Variants in FTSJ1 observed in about 807,000 individuals in gnomAD.
The protein encoded by FTSJ1 is tRNA (cytidine(32)/guanosine(34)-2'-O)-methyltransferase.
Under a neutral mutation model 28.5 loss-of-function variants are expected in FTSJ1, and 3 were observed. The observed-to-expected ratio is 0.11, with a 90% CI of 0.05 to 0.27. FTSJ1 has a LOEUF of 0.27. Ranked by LOEUF, FTSJ1 falls within the 10% of genes least tolerant of loss-of-function variation. The pLI is 1.00. For missense variants in FTSJ1, 162 were observed against 279.0 expected, an observed-to-expected ratio of 0.58 and a Z score of 2.99; for synonymous variants, 104 against 113.9, an observed-to-expected ratio of 0.91 and a Z score of 0.55.
chrX:48,478,350 T>C, intron 2 of FTSJ1, 99 bp from the exon 3 acceptor site: 5 of 894,992 alleles, frequency 5.6e-6, no homozygotes, highest in Non-Finnish European at 8.1e-6. Flanking sequence ...AATGGAGATA[T>C]GTGGGTGCTC....
At chrX:48,484,478 G>A (rs2061589950) in intron 12 of FTSJ1, among the ~76,000 whole-genome samples, 1 of 108,467 alleles carries the variant, frequency 9.2e-6, no homozygotes, top group Non-Finnish European at 1.9e-5. Flanking sequence ...CCGCCTCCCG[G>A]GTTCAAGAGA....
Position 48,483,143 on chromosome X carries a change from C to G in FTSJ1, c.*9+116C>G, listed in dbSNP as rs1170026938. On this transcript the variant is annotated intron_variant, in intron 12 of 12. Coordinates refer to ENST00000348411, the MANE Select transcript of FTSJ1 (RefSeq NM_012280.4). Reference sequence around the variant, plus strand: ...CTGATAAGATTTTAATCAACAAACCCTTTTCTAAACATCTGTTGTTGTATG... The same window carrying G: ...CTGATAAGATTTTAATCAACAAACCGTTTTCTAAACATCTGTTGTTGTATG... 3 of 581,569 alleles carry G rather than the reference C, an allele frequency of 5.2e-6. No homozygotes were observed. In the Middle Eastern group the frequency reaches 1.4e-3, roughly 262 times the overall value. 47.9% of individuals were successfully genotyped at this position (581,569 alleles called of 1,213,427 possible).
intron 5 of FTSJ1, among the ~76,000 whole-genome samples, chrX:48,480,240 G>A (rs375635821): frequency 4.2e-4 from 47 of 111,394 alleles, no homozygotes; most frequent in African/African-American, 1.4e-3. Flanking sequence ...TCAAGTGGAT[G>A]GGGAAGGCCT....
intron 5 of FTSJ1, among the ~76,000 whole-genome samples, chrX:48,480,144 C>CA (rs1183107599): frequency 2.4e-3 from 239 of 100,257 alleles, no homozygotes; most frequent in Non-Finnish European, 4.2e-3. Context: ...AACTCCGTCT[C>CA]AAAAAAAAAA....
At chrX:48,480,420 G>T (rs782722449) in intron 5 of FTSJ1, among the ~76,000 whole-genome samples, 26 of 110,685 alleles carry the variant, frequency 2.3e-4, no homozygotes, top group Admixed American at 1.5e-3. Flanking sequence ...ACAGAGTGAG[G>T]GGGGGAGAGT....
Position 48,478,633 on chromosome X carries a change from C to A in FTSJ1, c.208C>A (p.His70Asn), listed in dbSNP as rs1556967411. The A allele has an allele frequency of 8.3e-7, 1 of 1,208,473 alleles. No individual in the cohort carries two copies. ...SQKIGGQGSG[H>N]VVAVDLQAMA... is the part of the protein sequence containing the mutation. ...TGTCCACAGGGGCCAAGGGTCCGGC[C>A]ACGTGGTGGCTGTGGACCTGCAGGC... Residue 70 changes from histidine (H) to asparagine (N), a missense_variant, in exon 4 of 13, where the codon CAC (histidine) becomes AAC (asparagine). By Grantham distance (68) the His-to-Asn change is moderately conservative. Transcript: ENST00000348411.
At chrX:48,480,432 G>C (rs1031951486) in intron 5 of FTSJ1, among the ~76,000 whole-genome samples, 1 of 110,346 alleles carries the variant, frequency 9.1e-6, no homozygotes, top group East Asian at 2.9e-4. Flanking sequence ...GGGGAGAGTG[G>C]TAAAAGGTAA....
Position 48,482,388 on chromosome X carries a change from C to T in FTSJ1, c.656-15C>T. The T allele has an allele frequency of 8.7e-7, 1 of 1,145,242 alleles. No individual in the cohort carries two copies. The highest frequency in any genetic ancestry group is 1.2e-6 in the Non-Finnish European group (1 of 836,923). 94.4% of individuals were successfully genotyped at this position (1,145,242 alleles called of 1,213,427 possible). Reference sequence around the variant, plus strand: ...ATCCTGACCTTGTCCTCAGTTGTCTCCCCCTGTTCCTAAGACCCAGATTTC... The same window carrying T: ...ATCCTGACCTTGTCCTCAGTTGTCTTCCCCTGTTCCTAAGACCCAGATTTC... On this transcript the variant is annotated splice_polypyrimidine_tract_variant and intron_variant, in intron 9 of 12. Coordinates refer to ENST00000348411, the MANE Select transcript of FTSJ1 (RefSeq NM_012280.4).
Position 48,478,055 on chromosome X carries a change from G to A in FTSJ1, c.8G>A (p.Arg3Gln), listed in dbSNP as rs1244838116. MG[R>Q]TSKDKRDVYY... ...GAGCAACTGGTGTGTGAAATGGGAC[G>A]GACGTCAAAGGACAAGCGGGATGTC... The change falls in exon 2 of 13, where the codon CGG becomes CAG. Residue 3 changes from arginine to glutamine, a missense_variant. Physicochemically the swap from Arg to Gln is conservative, Grantham distance 43. Coordinates refer to ENST00000348411, the MANE Select transcript of FTSJ1 (RefSeq NM_012280.4). The A allele has an allele frequency of 4.1e-6, 5 of 1,209,196 alleles. No individual in the cohort carries two copies. The highest frequency in any genetic ancestry group is 1.7e-5 in the African/African-American group (1 of 57,229).
chrX:48,476,373 G>A lies in FTSJ1; in HGVS notation c.-111G>A. On this transcript the variant is annotated 5_prime_UTR_variant, in exon 1 of 13. Transcript: ENST00000348411. The stretch of plus-strand genomic sequence containing the variant: ...CTCGCCGAGGCACAGGCTGCTCGCG[G>A]ACCACCCTGCTCCGAAAACTAAGGT... 3.4e-6 allele frequency: 1 copy of A among 297,173 alleles called. No homozygotes were observed. The highest frequency in any genetic ancestry group is 2.7e-5 in the African/African-American group (1 of 37,311). 24.5% of individuals were successfully genotyped at this position (297,173 alleles called of 1,213,427 possible).
chrX:48,485,269 G>A (rs1556969801), intron 12 of FTSJ1, among the ~76,000 whole-genome samples: 1 of 111,108 alleles, frequency 9.0e-6, no homozygotes, highest in Non-Finnish European at 1.9e-5. Flanking sequence ...ACTCCAGCCT[G>A]GGTGACAGAG....
rs1556968643 is a variant in FTSJ1, at chrX:48,481,664, C to G, written c.604C>G (p.Pro202Ala). 7.5e-6 allele frequency: 9 copies of G among 1,201,610 alleles called. No homozygotes were observed. Among genetic ancestry groups the G allele is most frequent in the Non-Finnish European group, 1.0e-5 (9 of 885,904 alleles). ...CGCTGTCTGTCAGGGCTATGACCCTCCCGAGGGCTTCATCCCGGACCTGAG... is the reference window on the plus strand; with the variant it reads ...CGCTGTCTGTCAGGGCTATGACCCTGCCGAGGGCTTCATCCCGGACCTGAG... ...AFAVCQGYDPPEGFIPDLSKP... is the reference protein window; with the variant it reads ...AFAVCQGYDPAEGFIPDLSKP... Residue 202 changes from proline to alanine, a missense_variant, in exon 9 of 13, where the codon CCC becomes GCC. Physicochemically the swap from Pro to Ala is conservative, Grantham distance 27. Coordinates refer to ENST00000348411, the MANE Select transcript of FTSJ1 (RefSeq NM_012280.4).
intron 5 of FTSJ1, among the ~76,000 whole-genome samples, chrX:48,479,652 T>C (rs1320230106): frequency 8.9e-6 from 1 of 111,799 alleles, no homozygotes; most frequent in African/African-American, 3.3e-5. Flanking sequence ...AGGCAGGAGT[T>C]TGAGACCAGC....
chrX:48,476,882 G>A (rs1282063573), intron 1 of FTSJ1, among the ~76,000 whole-genome samples: 1 of 111,141 alleles, frequency 9.0e-6, no homozygotes, highest in Non-Finnish European at 1.9e-5. Flanking sequence ...AGGTATTGAT[G>A]GAGGTATGAT....
Position 48,482,968 on chromosome X carries a change from T to C in FTSJ1, c.958-18T>C, listed in dbSNP as rs2061579665. The C allele has an allele frequency of 8.3e-7, 1 of 1,208,778 alleles. No individual in the cohort carries two copies. The highest frequency in any genetic ancestry group is 1.1e-6 in the Non-Finnish European group (1 of 893,830). ...AGTTTCGCCAAATATGTGAGTCACT[T>C]TTCTTTTTCTTGGGTAGATGGAAGA... is the stretch of plus-strand genomic sequence containing the variant. On this transcript the variant is annotated intron_variant, in intron 11 of 12. Transcript: ENST00000348411.
rs782328054 is a variant in FTSJ1, at chrX:48,481,135, G to C, written c.362-16G>C. ...AGCCAGATGGGACCCCCCTAACGCTGTTCCTCTTGCCACAGTAACCGGTCT... is the reference window on the plus strand; with the variant it reads ...AGCCAGATGGGACCCCCCTAACGCTCTTCCTCTTGCCACAGTAACCGGTCT... On this transcript the variant is annotated splice_polypyrimidine_tract_variant and intron_variant, in intron 5 of 12. Coordinates refer to ENST00000348411, the MANE Select transcript of FTSJ1 (RefSeq NM_012280.4). 8.3e-7 allele frequency: 1 copy of C among 1,204,300 alleles called. No homozygotes were observed. The highest frequency in any genetic ancestry group is 1.1e-6 in the Non-Finnish European group (1 of 889,014).
intron 5 of FTSJ1, among the ~76,000 whole-genome samples, chrX:48,479,876 G>T (rs887156447): frequency 2.7e-5 from 3 of 110,864 alleles, no homozygotes; most frequent in Non-Finnish European, 5.7e-5. Context: ...GGGCACAGTG[G>T]CTCACGCCTG....
chrX:48,478,954 G>A, intron 4 of FTSJ1, 84 bp from the exon 5 acceptor site: 2 of 777,738 alleles, frequency 2.6e-6, no homozygotes, highest in East Asian at 3.2e-5. Flanking sequence ...TGACCCAGGG[G>A]CTGTGGGCCA....
chrX:48,484,167 T>G lies in FTSJ1; in HGVS notation c.*9+1140T>G, dbSNP rs185767089. On this transcript the variant is annotated intron_variant, in intron 12 of 12. Coordinates refer to ENST00000348411, the MANE Select transcript of FTSJ1 (RefSeq NM_012280.4). Reference sequence around the variant, plus strand: ...TCACGGCAACCTCCATCTACCAAGTTCAAGCGATTCTCCTGCCTCAGCCTC... The same window carrying G: ...TCACGGCAACCTCCATCTACCAAGTGCAAGCGATTCTCCTGCCTCAGCCTC... Among the ~76,000 whole-genome samples the G allele has an allele frequency of 9.2e-5, 10 of 109,020 alleles. No individual in the cohort carries two copies. In the East Asian group the frequency reaches 2.0e-3, roughly 22 times the overall value. The allele number at this position is 109,020 out of a possible 115,157, so 94.7% of individuals were successfully genotyped here.
Sources: allele counts gnomAD v4.1 joint callset (sites outside exome capture counted in the v4.1 genomes callset), GRCh38; gene constraint gnomAD v4.1.1; transcripts MANE v1.5; gene names NCBI Gene and HGNC (gene_info 2026-07-23, HGNC 2026-07-21).